Variants in CPEB3 observed in about 807,000 individuals in gnomAD.
The protein encoded by CPEB3 is cytoplasmic polyadenylation element binding protein 3.
CPEB3 carries 20 observed loss-of-function variants against 67.2 expected under a neutral mutation model. The ratio of observed to expected loss-of-function variants is 0.30; its 90% CI spans 0.21 to 0.43. CPEB3 has a LOEUF of 0.43. CPEB3 is among the 20% of genes least tolerant of loss of function. CPEB3 has a pLI of 1.00. For missense variants in CPEB3, 746 were observed against 968.6 expected (o/e 0.77, Z 3.05); for synonymous variants, 376 against 393.1 (o/e 0.96, Z 0.51).
rs563544771 is a variant in CPEB3 at position 92,047,795 on chromosome 10, T to G, written c.*4417A>C. The G allele has an allele frequency of 3.9e-4, 59 of 152,380 alleles. No homozygotes were observed. Among genetic ancestry groups the G allele is most frequent in the Admixed American group, 3.2e-3 (49 of 15,302 alleles). 9.4% of individuals were successfully genotyped at this position (152,380 alleles called of 1,614,324 possible). ...ACTCTGGACACAAGTTTCTCTGAGT[T>G]ATTGATGAACCTCGCCTCCATAGCG... On this transcript the variant is annotated 3_prime_UTR_variant, in exon 10 of 10. Coordinates refer to ENST00000265997, the MANE Select transcript of CPEB3 (RefSeq NM_014912.5).
At chr10:92,206,552 C>T (rs1218939857) in intron 2 of CPEB3, among the ~76,000 whole-genome samples, 2 of 152,124 alleles carry the variant, frequency 1.3e-5, no homozygotes, top group Non-Finnish European at 2.9e-5. Flanking sequence ...AATACTAGGA[C>T]TTAAGGCACA....
Position 92,239,730 on chromosome 10 carries a change from G to T in CPEB3, c.621C>A (p.Ala207=). The stretch of plus-strand genomic sequence containing the variant: ...TGATGGGCTGGTGGCCGTACGCCGC[G>T]GCGGCGCTCCTCTGCGCGTAGGGCG... ...SQAPYAQRSA[A]AAYGHQPIMT... The change falls in exon 2 of 10, where the codon GCC becomes GCA. Residue 207 remains alanine (A), a synonymous_variant. Coordinates refer to ENST00000265997, the MANE Select transcript of CPEB3 (RefSeq NM_014912.5). This position sits in a 1 kb window ranked among gnomAD's most constrained non-coding sequence, Gnocchi z 6.0. 1 of 1,527,520 alleles carries T rather than the reference G, an allele frequency of 6.5e-7. No homozygotes were observed. Among genetic ancestry groups the T allele is most frequent in the Non-Finnish European group, 8.7e-7 (1 of 1,142,898 alleles). The allele number at this position is 1,527,520 out of a possible 1,614,324, so 94.6% of individuals were successfully genotyped here.
At chr10:92,126,118 A>T (rs142892716) in intron 6 of CPEB3, among the ~76,000 whole-genome samples, 1 of 152,198 alleles carries the variant, frequency 6.6e-6, no homozygotes, top group African/African-American at 2.4e-5. Context: ...AACTGGGTCA[A>T]TCAAATTCCC....
At chr10:92,281,489 G>A (rs930157080) in intron 1 of CPEB3, among the ~76,000 whole-genome samples, 2 of 151,846 alleles carry the variant, frequency 1.3e-5, no homozygotes, top group African/African-American at 4.8e-5. Context: ...CCTTTCTGTG[G>A]GTTGCTGTTT....
chr10:92,093,029 C>T (rs766631952), intron 7 of CPEB3, among the ~76,000 whole-genome samples: 1 of 152,106 alleles, frequency 6.6e-6, no homozygotes, highest in Non-Finnish European at 1.5e-5. Context: ...AAAACATGAG[C>T]CTTTATGTAC....
intron 2 of CPEB3, among the ~76,000 whole-genome samples, chr10:92,229,775 T>C (rs1361766156): frequency 6.6e-6 from 1 of 152,276 alleles, no homozygotes; most frequent in Non-Finnish European, 1.5e-5. Flanking sequence ...CCAGGCGCAG[T>C]GGCTTACGCC....
chr10:92,102,044 C>T (rs1399919400), intron 7 of CPEB3, among the ~76,000 whole-genome samples: 1 of 152,226 alleles, frequency 6.6e-6, no homozygotes. Context: ...TTACAGCACA[C>T]TGATATTGGC....
chr10:92,140,426 T>A (rs908862114), intron 6 of CPEB3, among the ~76,000 whole-genome samples: 7 of 152,126 alleles, frequency 4.6e-5, no homozygotes, highest in African/African-American at 1.7e-4. Context: ...TGGCTAGCCA[T>A]ATGTAGAAAG....
chr10:92,052,522 C>G, intron 9 of CPEB3, 83 bp from the exon 10 acceptor site: 1 of 1,172,080 alleles, frequency 8.5e-7, no homozygotes, highest in Admixed American at 1.8e-5. Flanking sequence ...TACACTATAG[C>G]TTCAACGTAT....
chr10:92,102,232 GT>G (rs1844224825), intron 7 of CPEB3, among the ~76,000 whole-genome samples: 1 of 152,152 alleles, frequency 6.6e-6, no homozygotes, highest in South Asian at 2.1e-4. Flanking sequence ...TATATCCTGG[GT>G]AGCTCTGGGG....
At chr10:92,140,265 T>C (rs1714752303) in intron 6 of CPEB3, among the ~76,000 whole-genome samples, 1 of 152,148 alleles carries the variant, frequency 6.6e-6, no homozygotes, top group Non-Finnish European at 1.5e-5. Flanking sequence ...AACAGCATGG[T>C]ACTGGGACCA....
At chr10:92,214,076 A>G (rs575234456) in intron 2 of CPEB3, among the ~76,000 whole-genome samples, 56 of 152,248 alleles carry the variant, frequency 3.7e-4, no homozygotes, top group African/African-American at 1.3e-3. Context: ...ATAGTCACCC[A>G]TCCCACCTGC....
At chr10:92,167,661 C>T (rs763259418) in intron 4 of CPEB3, among the ~76,000 whole-genome samples, 2 of 152,164 alleles carry the variant, frequency 1.3e-5, no homozygotes, top group African/African-American at 2.4e-5. Context: ...AATCCCAGCA[C>T]TTTGGGAAGC....
intron 4 of CPEB3, among the ~76,000 whole-genome samples, chr10:92,157,076 C>T (rs1847242560): frequency 6.6e-6 from 1 of 152,218 alleles, no homozygotes. Flanking sequence ...GATCTTGACT[C>T]TGGCTTTAAC....
chr10:92,264,302 T>G (rs1852942442), intron 1 of CPEB3, among the ~76,000 whole-genome samples: 1 of 147,200 alleles, frequency 6.8e-6, no homozygotes, highest in African/African-American at 2.5e-5. Flanking sequence ...CACTCCAGCC[T>G]GGGGGACAGA....
intron 9 of CPEB3, among the ~76,000 whole-genome samples, chr10:92,060,897 C>A (rs1444657207): frequency 6.6e-6 from 1 of 152,042 alleles, no homozygotes; most frequent in African/African-American, 2.4e-5. Context: ...AAAAGGGAAC[C>A]CTTGTACACT....
intron 4 of CPEB3, among the ~76,000 whole-genome samples, chr10:92,176,504 C>T (rs533277327): frequency 1.4e-4 from 22 of 152,330 alleles, no homozygotes; most frequent in African/African-American, 5.3e-4. Context: ...GTTTCACATG[C>T]CTTCCAGCCT....
chr10:92,264,944 T>A lies in CPEB3; in HGVS notation c.-11-24583A>T, dbSNP rs541539260. 1.2e-4 allele frequency among the ~76,000 whole-genome samples: 19 copies of A among 152,064 alleles called. No homozygotes were observed. The South Asian group carries it at 3.5e-3, about 28-fold the overall frequency. On this transcript the variant is annotated intron_variant, in intron 1 of 9. Transcript: ENST00000265997. ...ACTTTGGGAGGCCAAGGTGGGCGGA[T>A]CACCTGAGGTCAGGAGTTTGAGACC...
chr10:92,144,839 C>G, intron 5 of CPEB3, 106 bp downstream of exon 5: 1 of 925,116 alleles, frequency 1.1e-6, no homozygotes, highest in Non-Finnish European at 1.7e-6. Context: ...ACCTCCTATG[C>G]ACTAAGATAT....
Sources: gnomAD v4.1 joint callset for allele counts (sites outside exome capture counted in the v4.1 genomes callset) on GRCh38, gnomAD v4.1.1 for gene constraint, Gnocchi (gnomAD v3.1) non-coding constraint, MANE v1.5 for transcripts, NCBI Gene and HGNC (gene_info 2026-07-23, HGNC 2026-07-21) for gene names.